AMZ1: variants seen among roughly 807,000 people sequenced by gnomAD.
AMZ1 encodes archaelysin family metallopeptidase 1.
Under a neutral mutation model 29.9 loss-of-function variants are expected in AMZ1, and 39 were observed. The observed-to-expected ratio is 1.30, with a 90% confidence interval of 1.01 to 1.70. The LOEUF (loss-of-function observed/expected upper bound fraction) is 1.70. Ranked by LOEUF, AMZ1 falls within the 40% of genes most tolerant of loss-of-function variation. The pLI is 0.00. For synonymous variants in AMZ1, 458 were observed against 304.0 expected (o/e 1.51, Z -5.27); for missense variants, 1,041 against 680.6 (o/e 1.53, Z -5.89).
At chr7:2,734,278 C>G (rs1442265982) in intron 4 of AMZ1, among the ~76,000 whole-genome samples, 2 of 152,212 alleles carry the variant, frequency 1.3e-5, no homozygotes, top group Non-Finnish European at 2.9e-5. Flanking sequence ...CGCATATGAA[C>G]AGGCACGCAA....
intron 4 of AMZ1, chr7:2,730,838 TACAC>T (rs1197400159): frequency 3.7e-6 from 1 of 269,254 alleles, no homozygotes; most frequent in Non-Finnish European, 7.1e-6. Context: ...TGTACACACA[TACAC>T]ACACAACACG....
chr7:2,750,866 C>A (rs1025329226), intron 4 of AMZ1, among the ~76,000 whole-genome samples: 1 of 152,090 alleles, frequency 6.6e-6, no homozygotes, highest in Non-Finnish European at 1.5e-5. Context: ...AGCTTGGGAA[C>A]TGAAATAACT....
At position 2,712,700 on chromosome 7, in the gene AMZ1, G is replaced by A. The variant is rs754018820; in HGVS notation, c.1319G>A (p.Trp440Ter). 4 of 1,611,690 alleles carry A rather than the reference G, an allele frequency of 2.5e-6. No individual in the cohort carries two copies. In the African/African-American group the frequency reaches 4.0e-5, roughly 16 times the overall value. Residue 440 changes from tryptophan (W) to a stop codon, truncating the protein, a stop_gained, in exon 7 of 7, where the codon TGG (tryptophan) becomes TAG (stop). Transcript: ENST00000683327. LOFTEE classifies it low-confidence loss of function (END_TRUNC). ...VDRAVDALDRWEMFTGQLPAT... is the reference protein window; with the variant it reads ...VDRAVDALDR ...AGAGCCGTGGACGCCCTCGACCGCT[G>A]GGAGATGTTCACGGGCCAGCTCCCG...
At chr7:2,689,056 C>A (rs1022865952) in intron 1 of AMZ1, among the ~76,000 whole-genome samples, 8 of 152,216 alleles carry the variant, frequency 5.3e-5, no homozygotes, top group Non-Finnish European at 1.2e-4. Flanking sequence ...CGGTCTAAGC[C>A]CCCGGTTTTC....
chr7:2,757,511 C>T (rs960851290), intron 4 of AMZ1, among the ~76,000 whole-genome samples: 9 of 152,080 alleles, frequency 5.9e-5, no homozygotes, highest in African/African-American at 2.2e-4. Flanking sequence ...TCTGCCAGTA[C>T]CAGTGAGCTT....
At chr7:2,684,908 C>CA (rs1787013170), upstream of AMZ1, among the ~76,000 whole-genome samples, 8 of 145,792 alleles carry the variant, frequency 5.5e-5, no homozygotes, top group South Asian at 1.8e-3. Context: ...GAGTCTCTGT[C>CA]GCCCAGGCTG....
chr7:2,761,341 AC>A (rs1238886955), upstream of AMZ1, among the ~76,000 whole-genome samples: 1 of 152,238 alleles, frequency 6.6e-6, no homozygotes, highest in Non-Finnish European at 1.5e-5. Flanking sequence ...GCCTAGAGGC[AC>A]GGGGTGGGCA....
chr7:2,709,193 C>A lies in AMZ1; in HGVS notation c.720C>A (p.Asp240Glu). ...ACGGCCCCGAGGCCCCCCTGCAGGA[C>A]AGGGGCTGGGCCCTGTGCTTCAGTG... ...AADGPEAPLQ[D>E]RGWALCFSAL... Residue 240 changes from aspartate (D) to glutamate (E), a missense_variant, in exon 5 of 7, where the codon GAC becomes GAA. By Grantham distance (45) the Asp-to-Glu change is conservative. Coordinates refer to ENST00000683327, the MANE Select transcript of AMZ1 (RefSeq NM_001384743.1). The A allele has an allele frequency of 6.5e-7, 1 of 1,533,128 alleles. No individual in the cohort carries two copies. The highest frequency in any genetic ancestry group is 1.4e-5 in the African/African-American group (1 of 72,154). The allele number at this position is 1,533,128 out of a possible 1,614,324, so 95.0% of individuals were successfully genotyped here. A position where few individuals can be genotyped will look rare whatever the true frequency, so the allele number is the denominator to read the frequency against.
Position 2,733,184 on chromosome 7 carries a change from G to A in AMZ1, n.550+23368G>A, listed in dbSNP as rs145616405. Among the ~76,000 whole-genome samples the A allele has an allele frequency of 1.8e-3, 280 of 152,280 alleles. 1 individual carries two copies. The highest frequency in any genetic ancestry group is 6.4e-3 in the African/African-American group (267 of 41,546). On this transcript the variant is annotated intron_variant and non_coding_transcript_variant, in intron 4 of 4. Coordinates refer to the AMZ1 transcript ENST00000489665. ...TTGAGTATGTTTGAATTTTCCATGA[G>A]ATAAAGGAAGTCCTCCTTTCACTCA...
rs1366187711 is a variant in AMZ1, at chr7:2,708,603, T to C, written c.488T>C (p.Phe163Ser). Reference sequence around the variant, plus strand: ...CTCCCCGCAGACGGCATCCTGTCCTTCTTGAAGAACAACAAGCCAGGGGAC... The same window carrying C: ...CTCCCCGCAGACGGCATCCTGTCCTCCTTGAAGAACAACAAGCCAGGGGAC... ...LQLHTDGILS[F>S]LKNNKPGDAL... Residue 163 changes from phenylalanine to serine, a missense_variant, in exon 4 of 7, where the codon TTC becomes TCC. Coordinates refer to ENST00000683327, the MANE Select transcript of AMZ1 (RefSeq NM_001384743.1). 16 of 1,612,248 alleles carry C rather than the reference T, an allele frequency of 9.9e-6. No individual in the cohort carries two copies. The highest frequency in any genetic ancestry group is 2.7e-5 in the African/African-American group (2 of 74,890).
At chr7:2,764,615 G>A (rs1257945115) in exon 1 of AMZ1, 1 of 152,230 alleles carries the variant, frequency 6.6e-6, no homozygotes, top group East Asian at 1.9e-4. Flanking sequence ...AGGGAGCCAG[G>A]GCCTGTCAGC....
At chr7:2,689,261 G>T (rs569159029) in intron 1 of AMZ1, among the ~76,000 whole-genome samples, 2 of 152,212 alleles carry the variant, frequency 1.3e-5, no homozygotes, top group Non-Finnish European at 2.9e-5. Flanking sequence ...GTGGTCAGAT[G>T]GGGGAGCATG....
chr7:2,727,984 G>A (rs1025613601), intron 4 of AMZ1: 24 of 145,698 alleles, frequency 1.6e-4, no homozygotes, highest in Non-Finnish European at 2.4e-4. Flanking sequence ...TTGAACCCAC[G>A]AGGTGGAGGG....
intron 4 of AMZ1, among the ~76,000 whole-genome samples, chr7:2,757,443 G>A (rs1445902673): frequency 6.6e-6 from 1 of 152,160 alleles, no homozygotes; most frequent in Non-Finnish European, 1.5e-5. Flanking sequence ...GGCACCCCTA[G>A]GAGCTGCCAG....
chr7:2,702,385 T>C, intron 2 of AMZ1: 1 of 286,980 alleles, frequency 3.5e-6, no homozygotes, highest in Non-Finnish European at 6.5e-6. Flanking sequence ...GTGGCTCGGC[T>C]CTGTGTGCTG....
chr7:2,736,356 C>T (rs1790176070), intron 4 of AMZ1, among the ~76,000 whole-genome samples: 2 of 152,182 alleles, frequency 1.3e-5, no homozygotes, highest in Admixed American at 1.3e-4. Context: ...TCAAGATTAA[C>T]ACAAACTTGG....
intron 4 of AMZ1, among the ~76,000 whole-genome samples, chr7:2,737,719 A>G (rs1178277059): frequency 6.6e-6 from 1 of 152,218 alleles, no homozygotes; most frequent in Non-Finnish European, 1.5e-5. Flanking sequence ...ACTCACTTCA[A>G]CGTGACAAAT....
intron 3 of AMZ1, 27 bp downstream of exon 3, chr7:2,702,916 AG>A (rs753026679): frequency 6.4e-7 from 1 of 1,551,208 alleles, no homozygotes; most frequent in Non-Finnish European, 8.6e-7. Context: ...GCCGCCGCTC[AG>A]GCCAAGGCAG....
At chr7:2,737,278 T>TGG (rs1322016838) in intron 4 of AMZ1, among the ~76,000 whole-genome samples, 2 of 71,642 alleles carry the variant, frequency 2.8e-5, no homozygotes, top group African/African-American at 1.1e-4. Context: ...TGTTTTGTTT[T>TGG]TTTTTTTTTT....
Sources: gnomAD v4.1 joint callset for allele counts (sites outside exome capture counted in the v4.1 genomes callset) on GRCh38, gnomAD v4.1.1 for gene constraint, MANE v1.5 for transcripts, NCBI Gene and HGNC (gene_info 2026-07-23, HGNC 2026-07-21) for gene names.